The following UNC13C variants were observed in gnomAD, a reference collection of about 807,000 sequenced individuals.
UNC13C encodes the protein protein unc-13 homolog C.
Under a neutral mutation model 245.4 loss-of-function variants are expected in UNC13C, and 174 were observed. That is an observed-to-expected ratio of 0.71 (90% CI 0.63 to 0.80). The LOEUF (loss-of-function observed/expected upper bound fraction) is 0.80. Among genes scored for constraint, UNC13C ranks in the 30% least tolerant of loss-of-function variants. UNC13C has a pLI of 0.00. For synonymous variants in UNC13C, 992 were observed against 895.1 expected (o/e 1.11, Z -1.93); for missense variants, 2,829 against 2,602.9 (o/e 1.09, Z -1.89).
chr15:54,219,704 T>A (rs534679870), intron 4 of UNC13C, among the ~76,000 whole-genome samples: 17 of 151,464 alleles, frequency 1.1e-4, no homozygotes, highest in South Asian at 8.4e-4. Context: ...TACTCATCTG[T>A]CAAAGGGCTA....
At chr15:54,508,210 T>C (rs191130329) in intron 23 of UNC13C, among the ~76,000 whole-genome samples, 31 of 152,108 alleles carry the variant, frequency 2.0e-4, no homozygotes, top group Non-Finnish European at 3.7e-4. Context: ...GATTACAAGA[T>C]AATACATGTC....
At chr15:54,362,193 G>C (rs189616921) in intron 17 of UNC13C, among the ~76,000 whole-genome samples, 115 of 152,306 alleles carry the variant, frequency 7.6e-4, no homozygotes, top group African/African-American at 2.6e-3. Flanking sequence ...CCAGGTGATT[G>C]AGCCTTCCTG....
Position 54,318,770 on chromosome 15 carries a change from G to A in UNC13C, c.4269-3169G>A, listed in dbSNP as rs118049127. Among the ~76,000 whole-genome samples, 484 of 151,804 alleles carry A rather than the reference G, an allele frequency of 3.2e-3. 17 individuals carry two copies. In the East Asian group the frequency reaches 0.067, roughly 21 times the overall value. ...AAACTTTTTAATTTGATGTGCTCTT[G>A]TTTATCTGGTTTTGCTTCTTTTGCC... is the stretch of plus-strand genomic sequence containing the variant. On this transcript the variant is annotated intron_variant, in intron 13 of 32. Coordinates refer to ENST00000260323, the MANE Select transcript of UNC13C (RefSeq NM_001080534.3).
At chr15:54,212,572 A>G (rs757707457) in intron 4 of UNC13C, among the ~76,000 whole-genome samples, 2 of 152,108 alleles carry the variant, frequency 1.3e-5, no homozygotes, top group Admixed American at 6.6e-5. Context: ...AAGAATAAAC[A>G]AAGTCTTCTT....
At chr15:54,579,935 G>T (rs62023997) in intron 30 of UNC13C, among the ~76,000 whole-genome samples, 9,413 of 152,188 alleles carry the variant, frequency 0.062, 476 homozygotes, top group Admixed American at 0.13. Context: ...CTTTTTGTTA[G>T]GGGTAGCTAT....
At chr15:54,084,875 G>T (rs970339869) in intron 2 of UNC13C, among the ~76,000 whole-genome samples, 1 of 152,114 alleles carries the variant, frequency 6.6e-6, no homozygotes, top group Non-Finnish European at 1.5e-5. Context: ...ACAATTGCAA[G>T]AATTAAGAAA....
intron 19 of UNC13C, among the ~76,000 whole-genome samples, chr15:54,432,353 A>C (rs531392252): frequency 3.3e-5 from 5 of 151,580 alleles, no homozygotes; most frequent in Non-Finnish European, 5.9e-5. Context: ...TCCATAAGGA[A>C]GTGATTTTTG....
intron 18 of UNC13C, among the ~76,000 whole-genome samples, chr15:54,394,494 C>T (rs933803452): frequency 1.3e-5 from 2 of 151,822 alleles, no homozygotes; most frequent in Admixed American, 6.6e-5. Flanking sequence ...GGAAGTACAT[C>T]TCAGGTCTCT....
chr15:54,341,089 G>T (rs1289536836), intron 17 of UNC13C, among the ~76,000 whole-genome samples: 2 of 152,154 alleles, frequency 1.3e-5, no homozygotes, highest in African/African-American at 4.8e-5. Context: ...ATTTGACCTA[G>T]CAATCCCATT....
intron 1 of UNC13C, among the ~76,000 whole-genome samples, chr15:54,010,502 C>T (rs191106813): frequency 3.9e-5 from 6 of 151,900 alleles, no homozygotes; most frequent in African/African-American, 1.4e-4. Context: ...GGAAAGGAAT[C>T]GGAGGAAGAA....
chr15:54,413,105 T>C (rs1407470551), intron 18 of UNC13C, among the ~76,000 whole-genome samples: 1 of 152,132 alleles, frequency 6.6e-6, no homozygotes, highest in African/African-American at 2.4e-5. Flanking sequence ...ATTAACATTG[T>C]ATTTTTGGGA....
chr15:53,937,746 GA>G, the UNC13C span, among the ~76,000 whole-genome samples: 3 of 151,810 alleles, frequency 2.0e-5, no homozygotes, highest in African/African-American at 7.3e-5. Flanking sequence ...TCTTAGGGAA[GA>G]GAATTTCTAA....
At chr15:54,450,798 G>A (rs552966402) in intron 19 of UNC13C, among the ~76,000 whole-genome samples, 1 of 152,256 alleles carries the variant, frequency 6.6e-6, no homozygotes, top group South Asian at 2.1e-4. Context: ...TGTCCGACAA[G>A]CCCTAGTGAG....
At chr15:54,197,812 CGA>C (rs774602141) in intron 4 of UNC13C, among the ~76,000 whole-genome samples, 4 of 152,184 alleles carry the variant, frequency 2.6e-5, no homozygotes, top group Admixed American at 2.0e-4. Context: ...CTAGGAAAGT[CGA>C]GAGAGTTCAC....
intron 22 of UNC13C, among the ~76,000 whole-genome samples, chr15:54,504,896 C>T (rs1894397057): frequency 6.6e-6 from 1 of 152,136 alleles, no homozygotes; most frequent in Non-Finnish European, 1.5e-5. Flanking sequence ...ATGCCTTTGT[C>T]TGAGTAATTG....
intron 19 of UNC13C, among the ~76,000 whole-genome samples, chr15:54,444,275 A>G (rs910144206): frequency 2.6e-5 from 4 of 150,972 alleles, no homozygotes; most frequent in African/African-American, 9.7e-5. Context: ...CTTACTTTTG[A>G]TAAATGTATA....
chr15:54,268,251 G>A (rs1426847349), intron 10 of UNC13C, among the ~76,000 whole-genome samples: 1 of 151,608 alleles, frequency 6.6e-6, no homozygotes, highest in African/African-American at 2.4e-5. Flanking sequence ...TAAAATCTAA[G>A]CCACTGTAAT....
rs551347834 is a variant in UNC13C, at chr15:54,256,008, A to G, written c.3448+5564A>G. 4.6e-5 allele frequency among the ~76,000 whole-genome samples: 7 copies of G among 152,308 alleles called. No individual in the cohort carries two copies. The East Asian group carries it at 1.4e-3, about 29-fold the overall frequency. On this transcript the variant is annotated intron_variant, in intron 8 of 32. Transcript: ENST00000260323. ...TTGCATAATGCCGTAGAGGTATTCT[A>G]TATAACATACTCAATGGATATCAAT...
At chr15:54,562,322 TTAAA>T (rs1356838364) in intron 29 of UNC13C, among the ~76,000 whole-genome samples, 1 of 151,960 alleles carries the variant, frequency 6.6e-6, no homozygotes, top group Non-Finnish European at 1.5e-5. Flanking sequence ...GCCTAAGAGG[TTAAA>T]TAAATTATGC....
Sources: allele counts gnomAD v4.1 joint callset (sites outside exome capture counted in the v4.1 genomes callset), GRCh38; gene constraint gnomAD v4.1.1; transcripts MANE v1.5; gene names NCBI Gene and HGNC (gene_info 2026-07-23, HGNC 2026-07-21).